WDR76: variants seen among roughly 807,000 people sequenced by gnomAD.
WDR76 encodes the protein WD repeat-containing protein 76.
Under a neutral mutation model 70.2 loss-of-function variants are expected in WDR76, and 52 were observed. That is an observed-to-expected ratio of 0.74 (90% CI 0.59 to 0.93). WDR76 has a LOEUF of 0.93. WDR76 is among the 40% of genes least tolerant of loss of function. WDR76 has a pLI of 0.00. For missense variants in WDR76, 756 were observed against 760.2 expected (o/e 0.99, Z 0.07); for synonymous variants, 292 against 271.1 (o/e 1.08, Z -0.76).
At chr15:43,855,945 G>A (rs146758121) in intron 9 of WDR76, among the ~76,000 whole-genome samples, 177 of 151,930 alleles carry the variant, frequency 1.2e-3, no homozygotes, top group Middle Eastern at 6.9e-3. Flanking sequence ...ACAAGTAACC[G>A]TTGTTGCATA....
chr15:43,850,369 C>A lies in WDR76; in HGVS notation c.1033-718C>A, dbSNP rs1384451825. The stretch of plus-strand genomic sequence containing the variant: ...GGAGTGCAGTGGTGAGATGTCGGCT[C>A]ACTGCAAGCTCCACCTCCCGGATTC... On this transcript the variant is annotated intron_variant, in intron 8 of 12. Coordinates refer to ENST00000263795, the MANE Select transcript of WDR76 (RefSeq NM_024908.4). Among the ~76,000 whole-genome samples the A allele has an allele frequency of 3.9e-5, 6 of 151,928 alleles. No individual in the cohort carries two copies. In the East Asian group the frequency reaches 1.2e-3, roughly 29 times the overall value.
chr15:43,857,398 T>C (rs2087941737), intron 10 of WDR76: 2 of 933,790 alleles, frequency 2.1e-6, no homozygotes, highest in South Asian at 9.9e-5. Flanking sequence ...ATTTTTGTTT[T>C]CCTTGGCATT....
chr15:43,858,962 A>G (rs2140312295), intron 11 of WDR76, 139 bp downstream of exon 11: 18 of 1,138,056 alleles, frequency 1.6e-5, no homozygotes, highest in Non-Finnish European at 2.2e-5. Flanking sequence ...GTAGGTTCCT[A>G]AAGACTGGTG....
rs1406803188 is a variant in WDR76 at position 43,868,118 on chromosome 15, T to C, written c.*1726T>C. The C allele has an allele frequency of 6.6e-6, 1 of 152,174 alleles. No homozygotes were observed. Among genetic ancestry groups the C allele is most frequent in the African/African-American group, 2.4e-5 (1 of 41,446 alleles). 9.4% of individuals were successfully genotyped at this position (152,174 alleles called of 1,614,324 possible). ...TTCTCTATTTTCTAGTTGATATAAG[T>C]AGAAGAATTGACAAGTGAGATGGAA... On this transcript the variant is annotated 3_prime_UTR_variant, in exon 13 of 13. Coordinates refer to ENST00000263795, the MANE Select transcript of WDR76 (RefSeq NM_024908.4).
intron 9 of WDR76, among the ~76,000 whole-genome samples, chr15:43,853,020 C>T (rs773366026): frequency 1.3e-5 from 2 of 152,154 alleles, no homozygotes; most frequent in Non-Finnish European, 2.9e-5. Context: ...TCCTGAGTAG[C>T]TGGGATTACA....
At chr15:43,841,796 G>C (rs1057090488) in intron 5 of WDR76, among the ~76,000 whole-genome samples, 1 of 152,150 alleles carries the variant, frequency 6.6e-6, no homozygotes. Context: ...TCAATTCTCA[G>C]CTTCTCCAGT....
At chr15:43,861,273 A>G in intron 11 of WDR76, 60 bp from the exon 12 acceptor site, 6 of 1,315,288 alleles carry the variant, frequency 4.6e-6, no homozygotes, top group Non-Finnish European at 6.6e-6. Context: ...AAATACACTG[A>G]TATTTATTTC....
At chr15:43,830,839 G>A (rs1052343176) in intron 2 of WDR76, among the ~76,000 whole-genome samples, 6 of 151,998 alleles carry the variant, frequency 3.9e-5, no homozygotes, top group African/African-American at 1.4e-4. Context: ...TTGAGGTCAG[G>A]AGTTGGAGAC....
intron 2 of WDR76, among the ~76,000 whole-genome samples, chr15:43,832,142 G>A (rs1217307883): frequency 6.6e-6 from 1 of 152,074 alleles, no homozygotes; most frequent in Non-Finnish European, 1.5e-5. Flanking sequence ...TTAATGCATT[G>A]TTCCATTGTC....
chr15:43,845,464 G>A (rs997207551), intron 8 of WDR76, among the ~76,000 whole-genome samples: 1 of 150,184 alleles, frequency 6.7e-6, no homozygotes, highest in South Asian at 2.1e-4. Flanking sequence ...ACAGCTAGAA[G>A]GCACCAACTA....
At chr15:43,863,559 T>TAAAAAAAA (rs68110552) in intron 12 of WDR76, among the ~76,000 whole-genome samples, 1 of 139,066 alleles carries the variant, frequency 7.2e-6, no homozygotes, top group Non-Finnish European at 1.6e-5. Flanking sequence ...CTCTCTTTTT[T>TAAAAAAAA]AAAAAAAAAA....
chr15:43,846,123 T>A (rs2087785434), intron 8 of WDR76, among the ~76,000 whole-genome samples: 1 of 149,822 alleles, frequency 6.7e-6, no homozygotes, highest in Non-Finnish European at 1.5e-5. Flanking sequence ...GCAGAGAAGT[T>A]AAAAGAATGG....
chr15:43,827,347 T>C (rs2087530152), intron 1 of WDR76, among the ~76,000 whole-genome samples: 1 of 152,232 alleles, frequency 6.6e-6, no homozygotes, highest in Admixed American at 6.5e-5. Flanking sequence ...TCACACTCTT[T>C]AAATAATTCC....
At chr15:43,855,203 C>G (rs553593448) in intron 9 of WDR76, among the ~76,000 whole-genome samples, 1 of 152,266 alleles carries the variant, frequency 6.6e-6, no homozygotes, top group African/African-American at 2.4e-5. Context: ...GTTTCAGATA[C>G]CACTGACTAA....
chr15:43,836,343 G>T, intron 4 of WDR76, 127 bp downstream of exon 4: 1 of 612,724 alleles, frequency 1.6e-6, no homozygotes, highest in Non-Finnish European at 2.6e-6. Flanking sequence ...AGTCCCTCTA[G>T]GATCTCTGAG....
At chr15:43,864,442 C>CCATT (rs1203201269) in intron 12 of WDR76, among the ~76,000 whole-genome samples, 2 of 152,036 alleles carry the variant, frequency 1.3e-5, no homozygotes, top group East Asian at 3.8e-4. Context: ...TTCATAATGG[C>CCATT]CATTCTACTA....
intron 12 of WDR76, among the ~76,000 whole-genome samples, chr15:43,863,559 TAAA>T (rs68110552): frequency 7.2e-4 from 100 of 139,064 alleles, no homozygotes; most frequent in Admixed American, 1.2e-3. Flanking sequence ...CTCTCTTTTT[TAAA>T]AAAAAAAAAA....
At chr15:43,837,038 C>G (rs548024250) in intron 4 of WDR76, among the ~76,000 whole-genome samples, 100 of 143,368 alleles carry the variant, frequency 7.0e-4, no homozygotes, top group Middle Eastern at 3.8e-3. Flanking sequence ...GAGACTCCAT[C>G]TCACAAAAAA....
At chr15:43,830,981 G>A (rs1362613031) in intron 2 of WDR76, among the ~76,000 whole-genome samples, 2 of 152,078 alleles carry the variant, frequency 1.3e-5, no homozygotes, top group African/African-American at 4.8e-5. Context: ...TGAGGAGGTA[G>A]AGGTTGCAGT....
Sources: allele counts gnomAD v4.1 joint callset (sites outside exome capture counted in the v4.1 genomes callset), GRCh38; gene constraint gnomAD v4.1.1; transcripts MANE v1.5; gene names NCBI Gene and HGNC (gene_info 2026-07-23, HGNC 2026-07-21).